The following VGLL3 variants were observed in gnomAD, a reference collection of about 807,000 sequenced individuals.
VGLL3 encodes vestigial like family member 3, also known as transcription cofactor vestigial-like protein 3.
In VGLL3, 18 loss-of-function variants were observed where a neutral mutation model predicts 29.2. The ratio of observed to expected loss-of-function variants is 0.62; its 90% CI spans 0.43 to 0.91. VGLL3 has a LOEUF of 0.91. VGLL3 is among the 40% of genes least tolerant of loss of function. VGLL3 has a pLI of 0.00. For missense variants in VGLL3, 440 were observed against 413.2 expected (o/e 1.06, Z -0.56); for synonymous variants, 180 against 151.8 (o/e 1.19, Z -1.36).
chr3:86,964,117 A>G (rs1704912237), intron 3 of VGLL3, among the ~76,000 whole-genome samples: 1 of 152,222 alleles, frequency 6.6e-6, no homozygotes, highest in Non-Finnish European at 1.5e-5. Context: ...GAAAAAAAGC[A>G]GAGTAGCATT....
chr3:86,962,420 C>G (rs1375083217), intron 3 of VGLL3: 17 of 985,236 alleles, frequency 1.7e-5, no homozygotes, highest in Non-Finnish European at 1.9e-5. Context: ...CCTCACTGTC[C>G]TCACCACCAC....
chr3:86,951,840 C>T (rs1704624849), intron 3 of VGLL3, among the ~76,000 whole-genome samples: 3 of 152,130 alleles, frequency 2.0e-5, no homozygotes, highest in African/African-American at 7.2e-5. Flanking sequence ...GGGTATCCCA[C>T]AGCAGAAGAA....
chr3:86,981,376 T>C (rs1288303249), intron 1 of VGLL3, among the ~76,000 whole-genome samples: 2 of 152,020 alleles, frequency 1.3e-5, no homozygotes, highest in African/African-American at 4.8e-5. Flanking sequence ...ATTATATTTT[T>C]CAATATGCAA....
chr3:86,973,402 T>A (rs925833032), intron 2 of VGLL3, among the ~76,000 whole-genome samples: 12 of 152,236 alleles, frequency 7.9e-5, no homozygotes, highest in African/African-American at 2.9e-4. Context: ...TGTAATTTCA[T>A]TGCCATTCTC....
chr3:86,962,510 T>C (rs1157997883), intron 3 of VGLL3: 2 of 985,124 alleles, frequency 2.0e-6, no homozygotes, highest in Non-Finnish European at 2.4e-6. Flanking sequence ...TCTACTATAA[T>C]ATGTTGTAAT....
At position 86,962,637 on chromosome 3, in the gene VGLL3, A is replaced by G. The variant is rs999401086; in HGVS notation, c.937+5953T>C. 8 of 906,026 alleles carry G rather than the reference A, an allele frequency of 8.8e-6. No individual in the cohort carries two copies. In the African/African-American group the frequency reaches 1.4e-4, roughly 16 times the overall value. 56.1% of individuals were successfully genotyped at this position (906,026 alleles called of 1,614,324 possible). On this transcript the variant is annotated intron_variant, in intron 3 of 3. Transcript: ENST00000398399. ...AAAAATTCAAAAAATATAGAAATAC[A>G]TAAAATAAAAAGTGAGGTTCTCTTA...
At position 86,942,131 on chromosome 3, in the gene VGLL3, A is replaced by G. The variant is rs896023547; in HGVS notation, c.*4893T>C. On this transcript the variant is annotated 3_prime_UTR_variant, in exon 4 of 4. Coordinates refer to ENST00000398399, the MANE Select transcript of VGLL3 (RefSeq NM_016206.4). Reference sequence around the variant, plus strand: ...GAATAAACTGTAATTTCTCTCTCAAACAAGCCTTTCTTATTCTGAAAGATG... The same window carrying G: ...GAATAAACTGTAATTTCTCTCTCAAGCAAGCCTTTCTTATTCTGAAAGATG... 2 of 152,130 alleles carry G rather than the reference A, an allele frequency of 1.3e-5. No homozygotes were observed. Among genetic ancestry groups the G allele is most frequent in the African/African-American group, 4.8e-5 (2 of 41,438 alleles). The allele number at this position is 152,130 out of a possible 1,614,324, so 9.4% of individuals were successfully genotyped here.
At chr3:86,953,276 C>A (rs1704650508) in intron 3 of VGLL3, among the ~76,000 whole-genome samples, 1 of 152,132 alleles carries the variant, frequency 6.6e-6, no homozygotes, top group African/African-American at 2.4e-5. Flanking sequence ...TTGCCTATTT[C>A]ATCAGCAGTA....
intron 2 of VGLL3, among the ~76,000 whole-genome samples, chr3:86,969,714 T>C (rs530747615): frequency 3.6e-4 from 55 of 151,468 alleles, no homozygotes; most frequent in African/African-American, 1.3e-3. Context: ...TTTATTTATT[T>C]ATTTATTTTC....
intron 1 of VGLL3, 65 bp downstream of exon 1, chr3:86,990,553 C>A: frequency 1.5e-6 from 2 of 1,309,758 alleles, no homozygotes; most frequent in Non-Finnish European, 2.0e-6. Flanking sequence ...GTCGCCGAGC[C>A]CCAGACCGAT....
At chr3:86,948,740 C>T (rs1704554960) in intron 3 of VGLL3, among the ~76,000 whole-genome samples, 1 of 151,920 alleles carries the variant, frequency 6.6e-6, no homozygotes, top group African/African-American at 2.4e-5. Flanking sequence ...TGGTTTTATG[C>T]TTGATAAAGA....
chr3:86,947,835 A>G (rs751928465), intron 3 of VGLL3, among the ~76,000 whole-genome samples: 1 of 152,178 alleles, frequency 6.6e-6, no homozygotes, highest in Non-Finnish European at 1.5e-5. Context: ...TTTATCAAAC[A>G]GAAAACGGGA....
rs1211650088 is a variant in VGLL3, at chr3:86,942,014, T to G, written c.*5010A>C. On this transcript the variant is annotated 3_prime_UTR_variant, in exon 4 of 4. Coordinates refer to ENST00000398399, the MANE Select transcript of VGLL3 (RefSeq NM_016206.4). ...TGGATGTTGAAAGTTAGGCTAAAAT[T>G]TTTACCTAATTTTTCTATAATGATT... 2 of 152,110 alleles carry G rather than the reference T, an allele frequency of 1.3e-5. No individual in the cohort carries two copies. Among genetic ancestry groups the G allele is most frequent in the Admixed American group, 6.6e-5 (1 of 15,252 alleles). 9.4% of individuals were successfully genotyped at this position (152,110 alleles called of 1,614,324 possible).
intron 3 of VGLL3, among the ~76,000 whole-genome samples, chr3:86,949,852 A>C (rs1704582575): frequency 6.6e-6 from 1 of 151,842 alleles, no homozygotes; most frequent in African/African-American, 2.4e-5. Flanking sequence ...AGAAAAGAAA[A>C]GAAAAGAAAG....
At chr3:86,987,721 T>C (rs1705480555) in intron 1 of VGLL3, among the ~76,000 whole-genome samples, 1 of 152,192 alleles carries the variant, frequency 6.6e-6, no homozygotes, top group African/African-American at 2.4e-5. Flanking sequence ...TCAGGGACAA[T>C]AAAATGTATA....
chr3:86,982,404 C>T (rs376276052), intron 1 of VGLL3, among the ~76,000 whole-genome samples: 2 of 152,160 alleles, frequency 1.3e-5, no homozygotes, highest in East Asian at 3.9e-4. Flanking sequence ...CCTCAGCCTC[C>T]CAAAGTGCTG....
intron 3 of VGLL3, among the ~76,000 whole-genome samples, chr3:86,959,303 C>A (rs1057271905): frequency 6.6e-6 from 1 of 152,008 alleles, no homozygotes; most frequent in African/African-American, 2.4e-5. Context: ...TTTTTAATAC[C>A]ATTTTTAAAC....
At chr3:86,953,493 T>C (rs1704654785) in intron 3 of VGLL3, among the ~76,000 whole-genome samples, 1 of 152,184 alleles carries the variant, frequency 6.6e-6, no homozygotes, top group African/African-American at 2.4e-5. Flanking sequence ...TAGAAAAATA[T>C]ACATGTGTAT....
At chr3:86,968,199 A>C (rs1385169255) in intron 3 of VGLL3, among the ~76,000 whole-genome samples, 1 of 152,228 alleles carries the variant, frequency 6.6e-6, no homozygotes, top group African/African-American at 2.4e-5. Context: ...AGGCCTAACA[A>C]AAAAAGAAAG....
Sources: gnomAD v4.1 joint callset for allele counts (sites outside exome capture counted in the v4.1 genomes callset) on GRCh38, gnomAD v4.1.1 for gene constraint, MANE v1.5 for transcripts, NCBI Gene and HGNC (gene_info 2026-07-23, HGNC 2026-07-21) for gene names.